The following TBXAS1 variants were observed in gnomAD, a reference collection of about 807,000 sequenced individuals.
The protein encoded by TBXAS1 is thromboxane-A synthase.
TBXAS1 carries 48 observed loss-of-function variants against 60.7 expected under a neutral mutation model. The ratio of observed to expected loss-of-function variants is 0.79; its 90% confidence interval spans 0.63 to 1.01. The LOEUF (loss-of-function observed/expected upper bound fraction) is 1.01. Ranked by LOEUF, TBXAS1 falls within the 50% of genes least tolerant of loss-of-function variation. The pLI is 0.00. For synonymous variants in TBXAS1, 287 were observed against 269.7 expected (o/e 1.06, Z -0.63); for missense variants, 685 against 686.3 (o/e 1.00, Z 0.02).
chr7:139,884,997 T>C (rs8192817), intron 3 of TBXAS1, among the ~76,000 whole-genome samples: 71,188 of 151,930 alleles, frequency 0.47, 17,084 homozygotes, highest in African/African-American at 0.58. Flanking sequence ...CCGAGTCTCA[T>C]GATGTGTGGC....
intron 4 of TBXAS1, among the ~76,000 whole-genome samples, chr7:139,929,300 C>T (rs137973133): frequency 0.011 from 1,619 of 152,344 alleles, 18 homozygotes; most frequent in Non-Finnish European, 0.014. Context: ...TTATCCCTGA[C>T]GCACGTGGCC....
chr7:139,793,044 C>T (rs969562718), intron 4 of TBXAS1, among the ~76,000 whole-genome samples: 17 of 152,158 alleles, frequency 1.1e-4, no homozygotes, highest in Admixed American at 2.0e-4. Flanking sequence ...GAATGGTTAT[C>T]TACTATGGGA....
chr7:139,905,003 CTCTCT>C lies in TBXAS1; in HGVS notation c.237-6220_237-6216del, dbSNP rs1804886631. 3.1e-4 allele frequency among the ~76,000 whole-genome samples: 27 copies of C among 88,106 alleles called. 1 individual carries two copies. Among genetic ancestry groups the C allele is most frequent in the Admixed American group, 2.1e-3 (19 of 8,992 alleles). 57.8% of individuals were successfully genotyped at this position (88,106 alleles called of 152,430 possible). On this transcript the variant is annotated intron_variant, in intron 3 of 12. Coordinates refer to ENST00000448866, the MANE Select transcript of TBXAS1 (RefSeq NM_001061.7). ...TTTCTCTTTCTCTCTTTCTCTCTTT[CTCTCT>C]TTCTTTCTTTCTTTCTTTCTTTCTT...
intron 4 of TBXAS1, among the ~76,000 whole-genome samples, chr7:139,807,533 A>G (rs1797909841): frequency 6.6e-6 from 1 of 151,888 alleles, no homozygotes; most frequent in African/African-American, 2.4e-5. Flanking sequence ...ACAGGTGCCC[A>G]CCATCATGCC....
At chr7:139,890,309 G>A (rs377510290) in intron 3 of TBXAS1, among the ~76,000 whole-genome samples, 3 of 138,462 alleles carry the variant, frequency 2.2e-5, no homozygotes, top group Non-Finnish European at 3.0e-5. Context: ...TCCGCCTTCC[G>A]GGTTCACACC....
rs771922926 is a variant in TBXAS1 at position 140,014,908 on chromosome 7, C to CAAAAAAAA, written c.1227-813_1227-806dup. 3.4e-4 allele frequency among the ~76,000 whole-genome samples: 44 copies of CAAAAAAAA among 131,294 alleles called. No individual in the cohort carries two copies. In the South Asian group the frequency reaches 8.2e-3, roughly 25 times the overall value. 86.1% of individuals were successfully genotyped at this position (131,294 alleles called of 152,430 possible). On this transcript the variant is annotated intron_variant, in intron 10 of 12. Coordinates refer to ENST00000448866, the MANE Select transcript of TBXAS1 (RefSeq NM_001061.7). ...TGGGTGACAGAGCAAGACCCTGTCT[C>CAAAAAAAA]AAAAAAAAAGAAGAAGAAGAAAGAA...
chr7:139,952,478 G>T, intron 5 of TBXAS1: 1 of 1,492,422 alleles, frequency 6.7e-7, no homozygotes, highest in South Asian at 1.3e-5. Context: ...TGATGTATTA[G>T]AGCACGTTGC....
At chr7:139,952,607 T>G in intron 5 of TBXAS1, 1 of 1,537,296 alleles carries the variant, frequency 6.5e-7, no homozygotes, top group South Asian at 1.2e-5. Flanking sequence ...GCCAGCAGGC[T>G]CCACAAAGAA....
intron 9 of TBXAS1, among the ~76,000 whole-genome samples, chr7:139,984,030 C>T (rs553228890): frequency 6.6e-6 from 1 of 152,194 alleles, no homozygotes; most frequent in Non-Finnish European, 1.5e-5. Context: ...TCACTTGTAT[C>T]TTCCCCGACC....
intron 1 of TBXAS1, among the ~76,000 whole-genome samples, chr7:139,867,086 G>A (rs1011729171): frequency 3.3e-5 from 5 of 152,224 alleles, no homozygotes; most frequent in Non-Finnish European, 5.9e-5. Context: ...GAGGGCATGC[G>A]TGTTGAAACC....
At chr7:139,809,157 A>G (rs1021474178) in intron 4 of TBXAS1, among the ~76,000 whole-genome samples, 2 of 151,048 alleles carry the variant, frequency 1.3e-5, no homozygotes, top group Admixed American at 1.3e-4. Flanking sequence ...AGATAGGTAG[A>G]TAGATAGATA....
chr7:139,904,179 C>T (rs972836380), intron 3 of TBXAS1, among the ~76,000 whole-genome samples: 1 of 151,972 alleles, frequency 6.6e-6, no homozygotes, highest in Non-Finnish European at 1.5e-5. Flanking sequence ...AGCCAATTAT[C>T]CCAGCATCGT....
intron 11 of TBXAS1, 100 bp from the exon 12 acceptor site, chr7:140,017,571 C>T: frequency 6.6e-7 from 1 of 1,507,916 alleles, no homozygotes; most frequent in Admixed American, 1.8e-5. Flanking sequence ...GCCTTGGAGA[C>T]ATCCTTGTCT....
At chr7:139,828,224 C>T (rs1416227722), upstream of TBXAS1, among the ~76,000 whole-genome samples, 2 of 152,036 alleles carry the variant, frequency 1.3e-5, no homozygotes, top group Non-Finnish European at 2.9e-5. Flanking sequence ...AATTTGAAGA[C>T]CTTGTCTTTG....
intron 3 of TBXAS1, among the ~76,000 whole-genome samples, chr7:139,882,708 C>G (rs1297140171): frequency 6.6e-6 from 1 of 152,186 alleles, no homozygotes; most frequent in Non-Finnish European, 1.5e-5. Flanking sequence ...CATCTCTGGC[C>G]ATGAGGCCAA....
chr7:139,936,067 A>C, intron 4 of TBXAS1, 124 bp from the exon 5 acceptor site: 1 of 868,986 alleles, frequency 1.2e-6, no homozygotes, highest in Middle Eastern at 3.3e-4. Context: ...TCCTTGCAAG[A>C]GAAACCTCCT....
intron 4 of TBXAS1, among the ~76,000 whole-genome samples, chr7:139,811,254 C>A (rs1156427851): frequency 6.6e-6 from 1 of 152,226 alleles, no homozygotes; most frequent in Non-Finnish European, 1.5e-5. Flanking sequence ...CTTTGTCACA[C>A]TTGATAATGG....
intron 4 of TBXAS1, among the ~76,000 whole-genome samples, chr7:139,918,791 G>T (rs2299893): frequency 2.0e-5 from 3 of 151,788 alleles, no homozygotes; most frequent in Non-Finnish European, 4.4e-5. Context: ...CTGACCCCTC[G>T]AGCTGTGGAC....
intron 5 of TBXAS1, among the ~76,000 whole-genome samples, chr7:139,939,817 G>A (rs1808134302): frequency 6.6e-6 from 1 of 152,204 alleles, no homozygotes; most frequent in African/African-American, 2.4e-5. Context: ...CCAGCAGAAT[G>A]TGGAAGGGGA....
Sources: allele counts gnomAD v4.1 joint callset (sites outside exome capture counted in the v4.1 genomes callset), GRCh38; gene constraint gnomAD v4.1.1; transcripts MANE v1.5; gene names NCBI Gene and HGNC (gene_info 2026-07-23, HGNC 2026-07-21).